Variants in SBF1 observed in about 807,000 individuals in gnomAD.
The protein encoded by SBF1 is myotubularin-related protein 5.
In SBF1, 65 loss-of-function variants were observed where a neutral mutation model predicts 215.8. The observed-to-expected ratio is 0.30, with a 90% confidence interval of 0.25 to 0.37. The LOEUF (loss-of-function observed/expected upper bound fraction) is 0.37. Ranked by LOEUF, SBF1 falls within the 10% of genes least tolerant of loss-of-function variation. The pLI is 1.00. For missense variants in SBF1, 2,634 were observed against 2,667.8 expected (o/e 0.99, Z 0.28); for synonymous variants, 1,410 against 1,122.8 (o/e 1.26, Z -5.11).
intron 36 of SBF1, among the ~76,000 whole-genome samples, chr22:50,449,654 A>ACACACC (rs994153795): frequency 6.7e-6 from 1 of 148,870 alleles, no homozygotes; most frequent in African/African-American, 2.5e-5. Flanking sequence ...ACACACACAC[A>ACACACC]CACCCCAAAA....
At chr22:50,456,140 A>T in intron 31 of SBF1, 76 bp downstream of exon 31, 1 of 1,476,714 alleles carries the variant, frequency 6.8e-7, no homozygotes, top group Non-Finnish European at 9.2e-7. Flanking sequence ...AAGCAAACCT[A>T]GACCCGTCCA....
rs780499686 is a variant in SBF1, at chr22:50,461,880, A to G, written c.2570-11T>C. Reference sequence around the variant, plus strand: ...GCATCTGGACAATGTCTGGGGGAAGACAGTTCTCACACTTTGTGCCCAGCC... The same window carrying G: ...GCATCTGGACAATGTCTGGGGGAAGGCAGTTCTCACACTTTGTGCCCAGCC... On this transcript the variant is annotated splice_polypyrimidine_tract_variant and intron_variant, in intron 20 of 40. Coordinates refer to ENST00000380817, the MANE Select transcript of SBF1 (RefSeq NM_002972.4). The G allele has an allele frequency of 4.3e-6, 7 of 1,613,878 alleles. No individual in the cohort carries two copies. The highest frequency in any genetic ancestry group is 5.9e-6 in the Non-Finnish European group (7 of 1,180,008).
In SBF1 at chr22:50,474,777, G is replaced by C. The variant is rs184600817; in HGVS notation, c.55+9C>G. The C allele has an allele frequency of 8.9e-6, 13 of 1,462,506 alleles. No homozygotes were observed. The highest frequency in any genetic ancestry group is 2.3e-5 in the Admixed American group (1 of 42,806). 90.6% of individuals were successfully genotyped at this position (1,462,506 alleles called of 1,614,324 possible). On this transcript the variant is annotated intron_variant, in intron 1 of 40. Coordinates refer to ENST00000380817, the MANE Select transcript of SBF1 (RefSeq NM_002972.4). The stretch of plus-strand genomic sequence containing the variant: ...CCCCCGGCCCTCAGCGCTTGGCCTC[G>C]GCACTCACCGCGCGGGTGCGGCCCG...
rs779382394 is a variant in SBF1, at chr22:50,460,408, T to C, written c.3147A>G (p.Arg1049=). 1 of 1,610,132 alleles carries C rather than the reference T, an allele frequency of 6.2e-7. No individual in the cohort carries two copies. ...RVTKDKGPSL[R]TLSRNLVKNA... is the part of the protein sequence containing the mutation. The stretch of plus-strand genomic sequence containing the variant: ...TCTTGACCAGGTTCCGGGACAGGGT[T>C]CTGAGGCCCACGAGAGTCAGCAAAG... The change falls in exon 25 of 41, where the codon AGA becomes AGG. Residue 1049 remains arginine (R), a splice_region_variant and synonymous_variant. Coordinates refer to ENST00000380817, the MANE Select transcript of SBF1 (RefSeq NM_002972.4).
chr22:50,454,108 C>G (rs754485403), intron 36 of SBF1, among the ~76,000 whole-genome samples: 24 of 152,226 alleles, frequency 1.6e-4, no homozygotes, highest in Non-Finnish European at 3.5e-4. Flanking sequence ...GGCAAGAACC[C>G]AGAGCTGCTC....
At position 50,445,752 on chromosome 22, in the gene SBF1, G is replaced by C. The variant is rs893561134; in HGVS notation, c.*1390C>G. On this transcript the variant is annotated 3_prime_UTR_variant, in exon 41 of 41. Transcript: ENST00000380817. Reference sequence around the variant, plus strand: ...CAGGTGTCCCAACACCACCTGTGGGGTGGGGGAGGTGGCGGGACCATGCTG... The same window carrying C: ...CAGGTGTCCCAACACCACCTGTGGGCTGGGGGAGGTGGCGGGACCATGCTG... The C allele has an allele frequency of 2.0e-5, 3 of 152,276 alleles. No homozygotes were observed. Among genetic ancestry groups the C allele is most frequent in the Non-Finnish European group, 2.9e-5 (2 of 68,096 alleles). The allele number at this position is 152,276 out of a possible 1,614,324, so 9.4% of individuals were successfully genotyped here.
At chr22:50,461,027 C>T in intron 23 of SBF1, 132 bp downstream of exon 23, 2 of 1,231,474 alleles carry the variant, frequency 1.6e-6, no homozygotes, top group South Asian at 3.2e-5. Flanking sequence ...CAGTGAGGGC[C>T]CCAGACATGC....
intron 28 of SBF1, among the ~76,000 whole-genome samples, chr22:50,458,949 G>C (rs1252865839): frequency 6.6e-6 from 1 of 152,204 alleles, no homozygotes; most frequent in Non-Finnish European, 1.5e-5. Flanking sequence ...TGGTAAGACA[G>C]AGCCGCGTAG....
In SBF1 at chr22:50,454,953, A is replaced by C. The variant is rs774056815; in HGVS notation, c.4682-9T>G. On this transcript the variant is annotated splice_polypyrimidine_tract_variant and intron_variant, in intron 34 of 40. Transcript: ENST00000380817. ...CTCCTCATACAGCAGCCCTGCACAG[A>C]AGCAGCACTGAGCCTGGGCCCCTCC... The C allele has an allele frequency of 2.1e-5, 34 of 1,613,810 alleles. No homozygotes were observed. The highest frequency in any genetic ancestry group is 2.5e-5 in the Non-Finnish European group (30 of 1,180,014).
intron 1 of SBF1, among the ~76,000 whole-genome samples, chr22:50,468,831 C>T (rs2067889854): frequency 6.6e-6 from 1 of 152,074 alleles, no homozygotes; most frequent in South Asian, 2.1e-4. Flanking sequence ...GGCTCTCGGC[C>T]CCCCAACAGT....
At position 50,445,414 on chromosome 22, in the gene SBF1, G is replaced by C. The variant is rs916384750; in HGVS notation, c.*1728C>G. 5 of 152,254 alleles carry C rather than the reference G, an allele frequency of 3.3e-5. No individual in the cohort carries two copies. The highest frequency in any genetic ancestry group is 1.2e-4 in the African/African-American group (5 of 41,452). The allele number at this position is 152,254 out of a possible 1,614,324, so 9.4% of individuals were successfully genotyped here. On this transcript the variant is annotated 3_prime_UTR_variant, in exon 41 of 41. Coordinates refer to ENST00000380817, the MANE Select transcript of SBF1 (RefSeq NM_002972.4). ...GAGTGGGAGGGGCAGGTGGAGACCA[G>C]ACCCCCACCCCGCCCCAGCGAGCTT... is the stretch of plus-strand genomic sequence containing the variant.
At chr22:50,449,207 A>G (rs963160721) in intron 36 of SBF1, among the ~76,000 whole-genome samples, 2 of 152,212 alleles carry the variant, frequency 1.3e-5, no homozygotes, top group Admixed American at 1.3e-4. Flanking sequence ...CTGATCTTCA[A>G]CACTGCAGGG....
chr22:50,473,939 G>C (rs1443322769), intron 1 of SBF1, among the ~76,000 whole-genome samples: 1 of 152,232 alleles, frequency 6.6e-6, no homozygotes, highest in Admixed American at 6.5e-5. Context: ...CTGGGAGGAA[G>C]AGGTGAGATC....
At position 50,446,785 on chromosome 22, in the gene SBF1, G is replaced by C; in HGVS notation, c.*357C>G. 2 of 584,276 alleles carry C rather than the reference G, an allele frequency of 3.4e-6. No individual in the cohort carries two copies. Among genetic ancestry groups the C allele is most frequent in the Middle Eastern group, 2.8e-4 (1 of 3,604 alleles). The allele number at this position is 584,276 out of a possible 1,614,324, so 36.2% of individuals were successfully genotyped here. ...GCCGAGAGCAGGCAGCCGGGGAGTG[G>C]GGAAGGCAGGCACAGGAGCGTGGCG... On this transcript the variant is annotated 3_prime_UTR_variant, in exon 41 of 41. Coordinates refer to ENST00000380817, the MANE Select transcript of SBF1 (RefSeq NM_002972.4).
In SBF1 at chr22:50,463,005, C is replaced by A. The variant is rs578035994; in HGVS notation, c.1900-67G>T. 1.6e-4 allele frequency: 235 copies of A among 1,448,600 alleles called. No homozygotes were observed. In the African/African-American group the frequency reaches 3.0e-3, roughly 19 times the overall value. The allele number at this position is 1,448,600 out of a possible 1,614,324, so 89.7% of individuals were successfully genotyped here. A position where few individuals can be genotyped will look rare whatever the true frequency, so the allele number is the denominator to read the frequency against. On this transcript the variant is annotated intron_variant, in intron 16 of 40. Coordinates refer to ENST00000380817, the MANE Select transcript of SBF1 (RefSeq NM_002972.4). ...AGGCAGCACTCACCTCCCACCATGC[C>A]CCCACCACCCCATAACCACCACAGA...
Position 50,461,823 on chromosome 22 carries a change from C to A in SBF1, c.2616G>T (p.Glu872Asp). ...HIETLEAVQR[E>D]SRRLPPIQKP... The stretch of plus-strand genomic sequence containing the variant: ...TCTGGATGGGCGGCAGCCTCCGGCT[C>A]TCCCGCTGCACGGCCTCCAGGGTCT... The change falls in exon 21 of 41, where the codon GAG becomes GAT. Residue 872 changes from glutamate to aspartate, a missense_variant. Physicochemically the swap from Glu to Asp is conservative, Grantham distance 45. Coordinates refer to ENST00000380817, the MANE Select transcript of SBF1 (RefSeq NM_002972.4). The A allele has an allele frequency of 6.2e-7, 1 of 1,613,700 alleles. No individual in the cohort carries two copies. Among genetic ancestry groups the A allele is most frequent in the Non-Finnish European group, 8.5e-7 (1 of 1,180,012 alleles).
chr22:50,447,677 C>A, intron 38 of SBF1, 68 bp from the exon 39 acceptor site: 1 of 1,188,198 alleles, frequency 8.4e-7, no homozygotes, highest in Non-Finnish European at 1.2e-6. Flanking sequence ...CCCCAGCAGT[C>A]GTCCCCCCCT....
chr22:50,474,496 C>T (rs1331457142), intron 1 of SBF1, among the ~76,000 whole-genome samples: 1 of 152,212 alleles, frequency 6.6e-6, no homozygotes, highest in Non-Finnish European at 1.5e-5. Flanking sequence ...CGCGGCCACG[C>T]CGCCCCCAGC....
Position 50,467,623 on chromosome 22 carries a change from A to T in SBF1, c.347T>A (p.Leu116Gln), listed in dbSNP as rs371457784. The stretch of plus-strand genomic sequence containing the variant: ...AGATGGGGCAGGTGCTGTGGGAGAC[A>T]GGTGGGTCTGGCCTCCCTCATCCCC... ...EEGDEGGQTH[L>Q]SPTAPAPSAQ... Residue 116 changes from leucine to glutamine, a missense_variant, in exon 4 of 41, where the codon CTG (leucine) becomes CAG (glutamine). Coordinates refer to ENST00000380817, the MANE Select transcript of SBF1 (RefSeq NM_002972.4). The T allele has an allele frequency of 3.1e-6, 5 of 1,590,872 alleles. No individual in the cohort carries two copies. In the African/African-American group the frequency reaches 5.4e-5, roughly 17 times the overall value.
Sources: gnomAD v4.1 joint callset for allele counts (sites outside exome capture counted in the v4.1 genomes callset) on GRCh38, gnomAD v4.1.1 for gene constraint, MANE v1.5 for transcripts, NCBI Gene and HGNC (gene_info 2026-07-23, HGNC 2026-07-21) for gene names.